DNAI7: variants seen among roughly 807,000 people sequenced by gnomAD.
DNAI7 encodes the protein cancer susceptibility 1.
In DNAI7, 78 loss-of-function variants were observed where a neutral mutation model predicts 86.6. That is an observed-to-expected ratio of 0.90 (90% CI 0.75 to 1.09). The LOEUF is 1.09. Ranked by LOEUF, DNAI7 falls within the 50% of genes least tolerant of loss-of-function variation. The pLI is 0.00. For synonymous variants in DNAI7, 274 were observed against 273.0 expected, an observed-to-expected ratio of 1.00 and a Z score of -0.04; for missense variants, 753 against 810.2, an observed-to-expected ratio of 0.93 and a Z score of 0.86.
chr12:25,121,906 C>A lies in DNAI7; in HGVS notation c.1086G>T (p.Leu362Phe). ...VLSETVSAAQ[L>F]LLVENSSEKP... ...TTTCAGAAGAATTCTCTACCAGCAA[C>A]AACTGTGCTAAAATTAATCAGATTA... Residue 362 changes from leucine (L) to phenylalanine (F), a missense_variant, in exon 11 of 16, where the codon TTG becomes TTT. Physicochemically the swap from Leu to Phe is conservative, Grantham distance 22. Coordinates refer to ENST00000395987, the MANE Select transcript of DNAI7 (RefSeq NM_018272.5). 1 of 1,579,468 alleles carries A rather than the reference C, an allele frequency of 6.3e-7. No individual in the cohort carries two copies. Among genetic ancestry groups the A allele is most frequent in the Non-Finnish European group, 8.6e-7 (1 of 1,169,148 alleles).
At chr12:25,146,786 C>T (rs991068501) in intron 8 of DNAI7, among the ~76,000 whole-genome samples, 2 of 152,164 alleles carry the variant, frequency 1.3e-5, no homozygotes, top group African/African-American at 4.8e-5. Flanking sequence ...TTAAGTGACA[C>T]AATCATCATT....
At chr12:25,128,617 C>T (rs529664734) in intron 9 of DNAI7, among the ~76,000 whole-genome samples, 25 of 152,314 alleles carry the variant, frequency 1.6e-4, no homozygotes, top group Non-Finnish European at 2.6e-4. Context: ...TTCACAGCCA[C>T]TCTCAACTGT....
chr12:25,125,776 G>A (rs938540997), intron 9 of DNAI7, among the ~76,000 whole-genome samples: 1 of 152,076 alleles, frequency 6.6e-6, no homozygotes, highest in Non-Finnish European at 1.5e-5. Flanking sequence ...ATATTGGGTT[G>A]ATTTTTGTAA....
chr12:25,133,219 C>G (rs1272349797), intron 9 of DNAI7, among the ~76,000 whole-genome samples: 4 of 150,278 alleles, frequency 2.7e-5, no homozygotes, highest in African/African-American at 9.8e-5. Flanking sequence ...TCTTAGTCAA[C>G]TGCCCCAGCA....
intron 2 of DNAI7, among the ~76,000 whole-genome samples, chr12:25,169,872 A>T (rs1394679146): frequency 6.6e-6 from 1 of 151,970 alleles, no homozygotes; most frequent in East Asian, 1.9e-4. Context: ...AAAGAAAAAA[A>T]AGATACAGAA....
chr12:25,167,121 T>C (rs1486350580), intron 2 of DNAI7, among the ~76,000 whole-genome samples: 1 of 152,192 alleles, frequency 6.6e-6, no homozygotes, highest in African/African-American at 2.4e-5. Context: ...ATTTGGTCTA[T>C]TGATGGCAGT....
intron 2 of DNAI7, among the ~76,000 whole-genome samples, chr12:25,186,351 T>G (rs73286888): frequency 6.6e-6 from 1 of 152,134 alleles, no homozygotes; most frequent in Non-Finnish European, 1.5e-5. Flanking sequence ...CTTTCTTCAT[T>G]AAAAAATTAA....
At chr12:25,158,433 T>G (rs749906979) in intron 4 of DNAI7, 39 bp downstream of exon 4, 24 of 1,488,160 alleles carry the variant, frequency 1.6e-5, no homozygotes, top group Non-Finnish European at 2.1e-5. Flanking sequence ...ATAGCCATAG[T>G]TTAAGTATTC....
intron 9 of DNAI7, among the ~76,000 whole-genome samples, chr12:25,132,151 A>G (rs1225525678): frequency 2.0e-5 from 3 of 152,120 alleles, no homozygotes; most frequent in East Asian, 3.9e-4. Context: ...TGGGAAATAC[A>G]TCGTTTCATT....
chr12:25,128,844 T>C (rs1459598708), intron 9 of DNAI7, among the ~76,000 whole-genome samples: 1 of 152,164 alleles, frequency 6.6e-6, no homozygotes, highest in Non-Finnish European at 1.5e-5. Context: ...CCCTCACAAT[T>C]TGTTCTCCAT....
At chr12:25,117,972 C>T (rs1940498934) in intron 12 of DNAI7, among the ~76,000 whole-genome samples, 4 of 130,700 alleles carry the variant, frequency 3.1e-5, no homozygotes, top group Admixed American at 2.8e-4. Flanking sequence ...GAGGGAGTCT[C>T]GCTCTGCCTG....
chr12:25,182,142 G>A (rs748880105), intron 2 of DNAI7, among the ~76,000 whole-genome samples: 5 of 151,588 alleles, frequency 3.3e-5, no homozygotes, highest in Non-Finnish European at 5.9e-5. Context: ...GAGGTTGGGA[G>A]GTTGAGATCA....
chr12:25,130,760 A>T (rs948272878), intron 9 of DNAI7, among the ~76,000 whole-genome samples: 1 of 152,094 alleles, frequency 6.6e-6, no homozygotes, highest in Non-Finnish European at 1.5e-5. Context: ...AATGTGCTAC[A>T]CTTAAATTAG....
intron 1 of DNAI7, among the ~76,000 whole-genome samples, chr12:25,194,587 T>C (rs1215074935): frequency 6.6e-6 from 1 of 152,192 alleles, no homozygotes; most frequent in Non-Finnish European, 1.5e-5. Context: ...AGAAGCCTTA[T>C]CATATTTAAC....
At chr12:25,154,223 T>G in intron 6 of DNAI7, 96 bp downstream of exon 6, 1 of 946,652 alleles carries the variant, frequency 1.1e-6, no homozygotes, top group Non-Finnish European at 1.6e-6. Context: ...AAAGCAGTAG[T>G]GTTATTACTT....
intron 1 of DNAI7, chr12:25,194,763 T>A: frequency 1.1e-6 from 1 of 917,074 alleles, no homozygotes; most frequent in Non-Finnish European, 1.7e-6. Flanking sequence ...AGTGGGAACG[T>A]CTATCACTAC....
At chr12:25,175,134 T>C (rs1948817622) in intron 2 of DNAI7, among the ~76,000 whole-genome samples, 1 of 151,920 alleles carries the variant, frequency 6.6e-6, no homozygotes, top group Non-Finnish European at 1.5e-5. Context: ...AAAAATAAAT[T>C]AAAAAAATAG....
chr12:25,147,537 A>G (rs1945031460), intron 7 of DNAI7, among the ~76,000 whole-genome samples: 1 of 151,986 alleles, frequency 6.6e-6, no homozygotes, highest in Admixed American at 6.6e-5. Context: ...AGTCCCAGCT[A>G]CCTGGCAGCT....
chr12:25,122,799 C>T (rs1186774539), intron 10 of DNAI7, among the ~76,000 whole-genome samples: 1 of 152,138 alleles, frequency 6.6e-6, no homozygotes, highest in Non-Finnish European at 1.5e-5. Flanking sequence ...AAATTAGAAA[C>T]AACCTGCCTA....
Sources: gnomAD v4.1 joint callset for allele counts (sites outside exome capture counted in the v4.1 genomes callset) on GRCh38, gnomAD v4.1.1 for gene constraint, MANE v1.5 for transcripts, NCBI Gene and HGNC (gene_info 2026-07-23, HGNC 2026-07-21) for gene names.